Variants in COG6 observed in about 807,000 individuals in gnomAD.
COG6 encodes component of oligomeric golgi complex 6.
In COG6, 74 loss-of-function variants were observed where a neutral mutation model predicts 88.8. The observed-to-expected ratio is 0.83, with a 90% confidence interval of 0.69 to 1.01. The LOEUF (loss-of-function observed/expected upper bound fraction) is 1.01. COG6 is among the 50% of genes least tolerant of loss of function. The probability of loss-of-function intolerance (pLI) is 0.00; values close to 1 mark genes in which losing one functional copy is unlikely to be tolerated. For missense variants in COG6, 800 were observed against 797.9 expected, an observed-to-expected ratio of 1.00 and a Z score of -0.03; for synonymous variants, 286 against 278.7, an observed-to-expected ratio of 1.03 and a Z score of -0.26.
intron 4 of COG6, among the ~76,000 whole-genome samples, chr13:39,675,413 A>T (rs1295553234): frequency 6.6e-6 from 1 of 152,204 alleles, no homozygotes; most frequent in Non-Finnish European, 1.5e-5. Flanking sequence ...ATTTACCTGG[A>T]AAGAATACAT....
In COG6 at chr13:39,751,271, T is replaced by A; in HGVS notation, c.*178T>A. 5 of 1,515,780 alleles carry A rather than the reference T, an allele frequency of 3.3e-6. No homozygotes were observed. The highest frequency in any genetic ancestry group is 4.4e-6 in the Non-Finnish European group (5 of 1,136,062). 93.9% of individuals were successfully genotyped at this position (1,515,780 alleles called of 1,614,324 possible). On this transcript the variant is annotated 3_prime_UTR_variant, in exon 19 of 19. Transcript: ENST00000455146. ...CAGTAACAGGGAAGTAAGTAACATG[T>A]TGACCTGAGCTAGTATTGCTGTGTA...
intron 18 of COG6, among the ~76,000 whole-genome samples, chr13:39,759,931 A>G (rs1296925784): frequency 1.3e-5 from 2 of 152,206 alleles, no homozygotes; most frequent in Non-Finnish European, 2.9e-5. Context: ...GGTATATAGC[A>G]TCTTTTGGCA....
At chr13:39,694,528 C>G in intron 11 of COG6, 106 bp from the exon 12 acceptor site, 1 of 668,300 alleles carries the variant, frequency 1.5e-6, no homozygotes. Flanking sequence ...GTGATCTCTG[C>G]AGTAATAAAA....
At position 39,719,994 on chromosome 13, in the gene COG6, AAC is replaced by A. The variant is rs58617808; in HGVS notation, c.1584+199_1584+200del. Among the ~76,000 whole-genome samples the A allele has an allele frequency of 0.074, 10,976 of 147,802 alleles. 434 individuals are homozygous for A. The highest frequency in any genetic ancestry group is 0.094 in the Non-Finnish European group (6,310 of 66,792). On this transcript the variant is annotated intron_variant, in intron 15 of 18. Transcript: ENST00000455146. ...ATATACACAACACACGCACATACACAACACACACACACACACACACACACACA... is the reference window on the plus strand; with the variant it reads ...ATATACACAACACACGCACATACACAACACACACACACACACACACACACA...
chr13:39,735,862 A>T (rs544656672), intron 18 of COG6, among the ~76,000 whole-genome samples: 4 of 151,974 alleles, frequency 2.6e-5, no homozygotes, highest in Non-Finnish European at 5.9e-5. Context: ...TAAGGTTTCC[A>T]CTGAAAAGTC....
intron 18 of COG6, among the ~76,000 whole-genome samples, chr13:39,786,699 A>C (rs899244908): frequency 9.9e-5 from 15 of 152,192 alleles, no homozygotes; most frequent in African/African-American, 3.4e-4. Context: ...TGTGAATTCT[A>C]TCTAGCCCTG....
rs1441321234 is a variant in COG6 at position 39,751,760 on chromosome 13, A to T, written c.*667A>T. ...AATAATTAGAAAAAAAGGAGAGAGAAAAGTGATTTAAACAGGGTGGATTCC... is the reference window on the plus strand; with the variant it reads ...AATAATTAGAAAAAAAGGAGAGAGATAAGTGATTTAAACAGGGTGGATTCC... On this transcript the variant is annotated 3_prime_UTR_variant, in exon 19 of 19. Coordinates refer to ENST00000455146, the MANE Select transcript of COG6 (RefSeq NM_020751.3). The T allele has an allele frequency of 2.3e-6, 3 of 1,287,186 alleles. No individual in the cohort carries two copies. The East Asian group carries it at 1.7e-4, about 71-fold the overall frequency. 79.7% of individuals were successfully genotyped at this position (1,287,186 alleles called of 1,614,324 possible). A position where few individuals can be genotyped will look rare whatever the true frequency, so the allele number is the denominator to read the frequency against.
At chr13:39,767,030 G>A (rs1285781714) in intron 18 of COG6, among the ~76,000 whole-genome samples, 1 of 152,036 alleles carries the variant, frequency 6.6e-6, no homozygotes, top group African/African-American at 2.4e-5. Flanking sequence ...AGGGTGATAG[G>A]GTATGATCAG....
At chr13:39,707,312 A>G (rs972408589) in intron 13 of COG6, among the ~76,000 whole-genome samples, 3 of 151,932 alleles carry the variant, frequency 2.0e-5, no homozygotes, top group African/African-American at 7.3e-5. Flanking sequence ...TATTTTTAGT[A>G]GAGACGGGGT....
At chr13:39,708,829 G>GT (rs1878083844) in intron 13 of COG6, among the ~76,000 whole-genome samples, 1 of 152,050 alleles carries the variant, frequency 6.6e-6, no homozygotes, top group Non-Finnish European at 1.5e-5. Context: ...AGACTTTTAT[G>GT]TTTTTTTCCA....
chr13:39,777,270 A>AG (rs1414517008), intron 18 of COG6, among the ~76,000 whole-genome samples: 5 of 152,080 alleles, frequency 3.3e-5, no homozygotes, highest in East Asian at 1.9e-4. Flanking sequence ...TGGAGCACAG[A>AG]GGGGGGTGTC....
intron 4 of COG6, among the ~76,000 whole-genome samples, chr13:39,670,496 T>C (rs1014106566): frequency 1.3e-5 from 2 of 152,154 alleles, no homozygotes; most frequent in African/African-American, 4.8e-5. Context: ...AGATTTTTGA[T>C]TTTGTACAGT....
intron 18 of COG6, among the ~76,000 whole-genome samples, chr13:39,740,193 C>T (rs1879973750): frequency 6.6e-6 from 1 of 152,136 alleles, no homozygotes; most frequent in South Asian, 2.1e-4. Flanking sequence ...AATCAAAATT[C>T]TCATGGAATC....
chr13:39,677,975 AC>A, intron 5 of COG6: 1 of 373,360 alleles, frequency 2.7e-6, no homozygotes, highest in Non-Finnish European at 5.1e-6. Context: ...CCTTCTACCC[AC>A]TCTGTCTCCT....
At chr13:39,786,128 G>T (rs1277041972) in intron 18 of COG6, among the ~76,000 whole-genome samples, 1 of 152,200 alleles carries the variant, frequency 6.6e-6, no homozygotes, top group Non-Finnish European at 1.5e-5. Context: ...CACTGGTGGA[G>T]AAGGGTTAGC....
chr13:39,708,662 T>G (rs1018653073), intron 13 of COG6, among the ~76,000 whole-genome samples: 1 of 152,160 alleles, frequency 6.6e-6, no homozygotes, highest in Non-Finnish European at 1.5e-5. Flanking sequence ...TTGATCCGTG[T>G]CGTAATGTCT....
chr13:39,744,077 T>C (rs1880200266), intron 18 of COG6, among the ~76,000 whole-genome samples: 1 of 152,110 alleles, frequency 6.6e-6, no homozygotes, highest in Admixed American at 6.5e-5. Flanking sequence ...AAACTCTCAA[T>C]AAACTAGGTA....
downstream of COG6, among the ~76,000 whole-genome samples, chr13:39,753,634 T>C (rs2138153600): frequency 6.6e-6 from 1 of 152,268 alleles, no homozygotes; most frequent in Middle Eastern, 3.4e-3. Flanking sequence ...GTACTTGAGA[T>C]GTTATCTCTC....
intron 18 of COG6, among the ~76,000 whole-genome samples, chr13:39,761,203 C>G (rs574094715): frequency 5.9e-4 from 89 of 152,032 alleles, no homozygotes; most frequent in African/African-American, 2.1e-3. Context: ...TAATTTTCTT[C>G]ATATAGATCT....
Sources: gnomAD v4.1 joint callset for allele counts (sites outside exome capture counted in the v4.1 genomes callset) on GRCh38, gnomAD v4.1.1 for gene constraint, MANE v1.5 for transcripts, NCBI Gene and HGNC (gene_info 2026-07-23, HGNC 2026-07-21) for gene names.